Variants in FAM20A observed in about 807,000 individuals in gnomAD.
FAM20A encodes FAM20A golgi associated secretory pathway pseudokinase, also known as pseudokinase FAM20A.
In FAM20A, 42 loss-of-function variants were observed where a neutral mutation model predicts 52.0. The ratio of observed to expected loss-of-function variants is 0.81; its 90% confidence interval spans 0.63 to 1.04. The LOEUF is 1.04. Ranked by LOEUF, FAM20A falls within the 50% of genes least tolerant of loss-of-function variation. The probability of loss-of-function intolerance (pLI) is 0.00; values close to 1 mark genes in which losing one functional copy is unlikely to be tolerated. For missense variants in FAM20A, 742 were observed against 712.7 expected (o/e 1.04, Z -0.47); for synonymous variants, 304 against 298.9 (o/e 1.02, Z -0.18).
intron 1 of FAM20A, among the ~76,000 whole-genome samples, chr17:68,574,219 C>T (rs1048636014): frequency 2.6e-5 from 4 of 152,116 alleles, no homozygotes; most frequent in Non-Finnish European, 2.9e-5. Flanking sequence ...CGTGTGCCAC[C>T]ATGCCCGGCT....
chr17:68,594,259 C>A (rs1598085420), intron 1 of FAM20A, among the ~76,000 whole-genome samples: 1 of 152,044 alleles, frequency 6.6e-6, no homozygotes, highest in Non-Finnish European at 1.5e-5. Flanking sequence ...GTTAGCTGGG[C>A]GTAGTGGCGG....
chr17:68,571,832 C>T (rs1412396659), intron 1 of FAM20A, among the ~76,000 whole-genome samples: 5 of 150,786 alleles, frequency 3.3e-5, no homozygotes, highest in South Asian at 2.1e-4. Flanking sequence ...TACAAAATTA[C>T]GAATACAAAA....
intron 1 of FAM20A, among the ~76,000 whole-genome samples, chr17:68,560,343 CAAAAAAAA>C (rs59192235): frequency 6.5e-5 from 7 of 108,328 alleles, no homozygotes; most frequent in African/African-American, 2.3e-4. Flanking sequence ...AACTCCATCT[CAAAAAAAA>C]AAAAAAAAAG....
chr17:68,591,666 G>A (rs911537473), intron 1 of FAM20A: 2 of 152,226 alleles, frequency 1.3e-5, no homozygotes, highest in South Asian at 2.1e-4. Flanking sequence ...CCGGACTGCT[G>A]GTCCCAGATG....
At chr17:68,564,209 A>G (rs1280694998) in intron 1 of FAM20A, among the ~76,000 whole-genome samples, 2 of 152,218 alleles carry the variant, frequency 1.3e-5, no homozygotes, top group East Asian at 3.8e-4. Flanking sequence ...AAGATAGGGT[A>G]CAGGCTTAAA....
At position 68,535,443 on chromosome 17, in the gene FAM20A, TATTTG is replaced by T; in HGVS notation, c.*2029_*2033del. On this transcript the variant is annotated 3_prime_UTR_variant, in exon 11 of 11. Transcript: ENST00000592554. ...CTGTAGCCTGCTTTCCTGAGAGTCT[TATTTG>T]GAAGTCCCAAACCATTTTGTGCTAT... 2.2e-6 allele frequency: 1 copy of T among 454,096 alleles called. No homozygotes were observed. The highest frequency in any genetic ancestry group is 6.9e-4 in the Middle Eastern group (1 of 1,444). The allele number at this position is 454,096 out of a possible 1,614,324, so 28.1% of individuals were successfully genotyped here. A position where few individuals can be genotyped will look rare whatever the true frequency, so the allele number is the denominator to read the frequency against.
intron 1 of FAM20A, among the ~76,000 whole-genome samples, chr17:68,581,795 C>T (rs935897652): frequency 5.9e-5 from 9 of 151,930 alleles, no homozygotes; most frequent in Middle Eastern, 3.2e-3. Flanking sequence ...AGGATGGTCT[C>T]GATCTCCTGG....
intron 1 of FAM20A, among the ~76,000 whole-genome samples, chr17:68,564,850 C>A (rs889517190): frequency 6.6e-6 from 1 of 151,998 alleles, no homozygotes; most frequent in African/African-American, 2.4e-5. Flanking sequence ...CTTCTGGGAC[C>A]CTGAGGGCAG....
Position 68,536,833 on chromosome 17 carries a change from C to A in FAM20A, c.*644G>T, listed in dbSNP as rs149978140. The stretch of plus-strand genomic sequence containing the variant: ...TTGTAATACTCTTCAAATTGGAACA[C>A]TCCTTTTCTGATATTCTTAGCAAAT... On this transcript the variant is annotated 3_prime_UTR_variant, in exon 11 of 11. Transcript: ENST00000592554. 6.6e-6 allele frequency: 3 copies of A among 453,978 alleles called. No individual in the cohort carries two copies. 28.1% of individuals were successfully genotyped at this position (453,978 alleles called of 1,614,324 possible). A position where few individuals can be genotyped will look rare whatever the true frequency, so the allele number is the denominator to read the frequency against.
At chr17:68,595,981 C>T (rs1045252504) in intron 1 of FAM20A, among the ~76,000 whole-genome samples, 20 of 152,310 alleles carry the variant, frequency 1.3e-4, no homozygotes, top group African/African-American at 4.3e-4. Context: ...GACTTCTTCT[C>T]CACCCTTCTC....
chr17:68,555,864 G>C (rs1600581093), intron 1 of FAM20A, 121 bp from the exon 2 acceptor site: 6 of 1,178,950 alleles, frequency 5.1e-6, no homozygotes, highest in African/African-American at 1.5e-5. Flanking sequence ...AGCATCTAAT[G>C]AGGGCTAGGC....
At position 68,542,170 on chromosome 17, in the gene FAM20A, A is replaced by G; in HGVS notation, c.929-5T>C. 6.2e-7 allele frequency: 1 copy of G among 1,613,432 alleles called. No homozygotes were observed. The highest frequency in any genetic ancestry group is 8.5e-7 in the Non-Finnish European group (1 of 1,179,650). On this transcript the variant is annotated splice_region_variant and splice_polypyrimidine_tract_variant and intron_variant, in intron 6 of 10. Transcript: ENST00000592554. ...CGAAGAAGCACACGTTGCTCGCTGG[A>G]GGATGGGGAGGAGAGAGGAGGAGTA...
At chr17:68,576,107 C>G (rs1014329171) in intron 1 of FAM20A, among the ~76,000 whole-genome samples, 1 of 152,162 alleles carries the variant, frequency 6.6e-6, no homozygotes, top group Non-Finnish European at 1.5e-5. Context: ...GCCCAGTGCT[C>G]AGCCAGCTCC....
chr17:68,542,884 G>C lies in FAM20A; in HGVS notation c.813-75C>G, dbSNP rs1288303574. ...GAGGAGGGGTTTTGTCCCCCGGCCAGTGCACATTAGGAATTGGCTGGTGTA... is the reference window on the plus strand; with the variant it reads ...GAGGAGGGGTTTTGTCCCCCGGCCACTGCACATTAGGAATTGGCTGGTGTA... On this transcript the variant is annotated intron_variant, in intron 5 of 10. Coordinates refer to ENST00000592554, the MANE Select transcript of FAM20A (RefSeq NM_017565.4). 5 of 1,143,074 alleles carry C rather than the reference G, an allele frequency of 4.4e-6. 1 individual carries two copies. In the African/African-American group the frequency reaches 6.1e-5, roughly 14 times the overall value. 70.8% of individuals were successfully genotyped at this position (1,143,074 alleles called of 1,614,324 possible).
intron 5 of FAM20A, among the ~76,000 whole-genome samples, chr17:68,543,115 T>A (rs1377168604): frequency 6.6e-6 from 1 of 152,158 alleles, no homozygotes; most frequent in Non-Finnish European, 1.5e-5. Context: ...TTCCTGTGAG[T>A]CACCTGGCAA....
At chr17:68,572,764 T>C (rs1249738036) in intron 1 of FAM20A, among the ~76,000 whole-genome samples, 1 of 152,204 alleles carries the variant, frequency 6.6e-6, no homozygotes, top group African/African-American at 2.4e-5. Flanking sequence ...ATTTTTGTTT[T>C]AAGAATTGTT....
At position 68,568,960 on chromosome 17, in the gene FAM20A, C is replaced by T. The variant is rs573900082; in HGVS notation, c.405-13217G>A. Among the ~76,000 whole-genome samples the T allele has an allele frequency of 2.0e-3, 308 of 151,918 alleles. 6 individuals carry two copies. Among genetic ancestry groups the T allele is most frequent in the African/African-American group, 6.7e-3 (275 of 41,230 alleles). ...CAGAATAAAATTCCTAGGCACTGCCCGATCTTTCTAAGGGTGAGGTAAGTG... is the reference window on the plus strand; with the variant it reads ...CAGAATAAAATTCCTAGGCACTGCCTGATCTTTCTAAGGGTGAGGTAAGTG... On this transcript the variant is annotated intron_variant, in intron 1 of 10. Coordinates refer to ENST00000592554, the MANE Select transcript of FAM20A (RefSeq NM_017565.4).
At chr17:68,551,252 T>C in intron 4 of FAM20A, 1 of 744,170 alleles carries the variant, frequency 1.3e-6, no homozygotes, top group Non-Finnish European at 1.9e-6. Context: ...TCTCTATGTT[T>C]CACAAAATTT....
chr17:68,536,084 A>C lies in FAM20A; in HGVS notation c.*1393T>G, dbSNP rs564899889. The C allele has an allele frequency of 8.6e-5, 39 of 454,132 alleles. No homozygotes were observed. Among genetic ancestry groups the C allele is most frequent in the African/African-American group, 7.2e-4 (36 of 50,148 alleles). 28.1% of individuals were successfully genotyped at this position (454,132 alleles called of 1,614,324 possible). ...TGAATGGTAGTGATTTTAGAGAGAC[A>C]CAAAGTCCAGGGGCAGCATACCAGT... On this transcript the variant is annotated 3_prime_UTR_variant, in exon 11 of 11. Coordinates refer to ENST00000592554, the MANE Select transcript of FAM20A (RefSeq NM_017565.4).
Sources: allele counts gnomAD v4.1 joint callset (sites outside exome capture counted in the v4.1 genomes callset), GRCh38; gene constraint gnomAD v4.1.1; transcripts MANE v1.5; gene names NCBI Gene and HGNC (gene_info 2026-07-23, HGNC 2026-07-21).